C6orf58: variants seen among roughly 807,000 people sequenced by gnomAD.
C6orf58 encodes protein LEG1 homolog.
A neutral mutation model predicts 37.0 loss-of-function variants in C6orf58; 30 were observed. That is an observed-to-expected ratio of 0.81 (90% CI 0.61 to 1.10). The LOEUF (loss-of-function observed/expected upper bound fraction) is 1.10, where lower values mean the gene tolerates loss of function less well. Among genes scored for constraint, C6orf58 ranks in the 50% least tolerant of loss-of-function variants. C6orf58 has a pLI of 0.00. For missense variants in C6orf58, 368 were observed against 387.5 expected (o/e 0.95, Z 0.42); for synonymous variants, 143 against 134.1 (o/e 1.07, Z -0.46).
Position 127,583,699 on chromosome 6 carries a change from G to A in C6orf58, c.674+2417G>A, listed in dbSNP as rs562862495. The stretch of plus-strand genomic sequence containing the variant: ...TCAAAGGCAGTCTTTCTTTGGTGTC[G>A]TTTCCAAAAGAACTGATCTCTAGGT... On this transcript the variant is annotated intron_variant, in intron 4 of 5. Transcript: ENST00000329722. Among the ~76,000 whole-genome samples the A allele has an allele frequency of 2.9e-4, 44 of 152,210 alleles. 2 individuals are homozygous for A. The South Asian group carries it at 7.9e-3, about 27-fold the overall frequency.
rs1394797458 is a variant in C6orf58, at chr6:127,578,647, G to A, written c.302-39G>A. On this transcript the variant is annotated intron_variant, in intron 1 of 5. Transcript: ENST00000329722. ...CAATAGTTACAGCCAGTTTCAAAATGCGTATAATAAATACGACTGTGCATC... is the reference window on the plus strand; with the variant it reads ...CAATAGTTACAGCCAGTTTCAAAATACGTATAATAAATACGACTGTGCATC... 16 of 1,430,622 alleles carry A rather than the reference G, an allele frequency of 1.1e-5. No individual in the cohort carries two copies. In the Admixed American group the frequency reaches 2.8e-4, roughly 25 times the overall value. 88.6% of individuals were successfully genotyped at this position (1,430,622 alleles called of 1,614,324 possible).
At chr6:127,586,802 TTA>T (rs1775112114) in intron 4 of C6orf58, among the ~76,000 whole-genome samples, 1 of 152,226 alleles carries the variant, frequency 6.6e-6, no homozygotes, top group African/African-American at 2.4e-5. Flanking sequence ...TCATTTACAC[TTA>T]TATCCTGTTT....
chr6:127,583,547 T>C (rs572730726), intron 4 of C6orf58, among the ~76,000 whole-genome samples: 4 of 152,176 alleles, frequency 2.6e-5, no homozygotes, highest in Non-Finnish European at 5.9e-5. Flanking sequence ...TACCTGGAGA[T>C]CTCCGATGGG....
In C6orf58 at chr6:127,580,356, C is replaced by T. The variant is rs2114291024; in HGVS notation, c.480C>T (p.Pro160=). 1 of 1,612,844 alleles carries T rather than the reference C, an allele frequency of 6.2e-7. No homozygotes were observed. The highest frequency in any genetic ancestry group is 2.2e-5 in the East Asian group (1 of 44,818). Residue 160 remains proline (P), a synonymous_variant, in exon 3 of 6, where the codon CCC becomes CCT. Transcript: ENST00000329722. ...GISSDQVRLL[P]PPKNERKFCY... ...CATCAGACCAAGTCAGGCTTTTGCC[C>T]CCACCCAAGAATGAGAGGAAGTTTT...
chr6:127,590,720 AT>A (rs1775153681), intron 5 of C6orf58, among the ~76,000 whole-genome samples: 1 of 152,100 alleles, frequency 6.6e-6, no homozygotes, highest in African/African-American at 2.4e-5. Flanking sequence ...ACCTGCCATG[AT>A]TAATGAAATT....
intron 4 of C6orf58, 65 bp from the exon 5 acceptor site, chr6:127,590,022 A>G: frequency 9.7e-7 from 1 of 1,034,856 alleles, no homozygotes; most frequent in Non-Finnish European, 1.4e-6. Context: ...TATTTTCTGA[A>G]GGCAATGAGC....
Position 127,577,303 on chromosome 6 carries a change from C to T in C6orf58, c.118C>T (p.Leu40Phe). The T allele has an allele frequency of 6.2e-7, 1 of 1,613,470 alleles. No homozygotes were observed. The highest frequency in any genetic ancestry group is 1.3e-5 in the African/African-American group (1 of 74,992). The change falls in exon 1 of 6, where the codon CTC (leucine) becomes TTC (phenylalanine). Residue 40 changes from leucine (L) to phenylalanine (F), a missense_variant. Leu to Phe is a conservative substitution (Grantham distance 22). Transcript: ENST00000329722. Reference protein sequence around the residue: ...PPLWKESPGQLSDYRVENSMY... With the variant: ...PPLWKESPGQFSDYRVENSMY... The stretch of plus-strand genomic sequence containing the variant: ...TCTGTGGAAGGAGAGTCCTGGTCAG[C>T]TCAGTGACTACAGGGTGGAGAACAG...
chr6:127,581,128 GAGA>G (rs1385166352), intron 3 of C6orf58, 51 bp from the exon 4 acceptor site: 1 of 784,442 alleles, frequency 1.3e-6, no homozygotes, highest in Non-Finnish European at 1.9e-6. Context: ...AAATTTCAGG[GAGA>G]AGGATTTTAT....
At chr6:127,586,910 C>T (rs1346974886) in intron 4 of C6orf58, among the ~76,000 whole-genome samples, 2 of 152,198 alleles carry the variant, frequency 1.3e-5, no homozygotes, top group African/African-American at 2.4e-5. Flanking sequence ...CAGTTACCTA[C>T]TATTTGAAAT....
Position 127,580,404 on chromosome 6 carries a change from T to C in C6orf58, c.528T>C (p.Arg176=). 1 of 1,613,098 alleles carries C rather than the reference T, an allele frequency of 6.2e-7. No individual in the cohort carries two copies. Among genetic ancestry groups the C allele is most frequent in the Non-Finnish European group, 8.5e-7 (1 of 1,179,278 alleles). Reference sequence around the variant, plus strand: ...TTTGTTATGATGTTTCTAGCTGTCGTTCATCCTTCCCTGAGACAATGAACA... The same window carrying C: ...TTTGTTATGATGTTTCTAGCTGTCGCTCATCCTTCCCTGAGACAATGAACA... ...RKFCYDVSSC[R]SSFPETMNKW... Residue 176 remains arginine, a synonymous_variant, in exon 3 of 6, where the codon CGT becomes CGC. Coordinates refer to ENST00000329722, the MANE Select transcript of C6orf58 (RefSeq NM_001010905.3).
At chr6:127,583,853 A>G (rs190357309) in intron 4 of C6orf58, among the ~76,000 whole-genome samples, 2 of 152,354 alleles carry the variant, frequency 1.3e-5, no homozygotes, top group South Asian at 2.1e-4. Context: ...AGTTTAGAAG[A>G]ACATGAGATA....
intron 4 of C6orf58, among the ~76,000 whole-genome samples, chr6:127,583,021 T>G (rs557283943): frequency 2.0e-5 from 3 of 152,088 alleles, no homozygotes; most frequent in Non-Finnish European, 4.4e-5. Flanking sequence ...TTAATCATTG[T>G]ATGGTTAGAA....
intron 1 of C6orf58, 37 bp downstream of exon 1, chr6:127,577,523 C>A (rs117572080): frequency 6.3e-7 from 1 of 1,576,262 alleles, no homozygotes; most frequent in South Asian, 1.1e-5. Context: ...AATGATCTAC[C>A]GATAGACCTA....
At position 127,581,211 on chromosome 6, in the gene C6orf58, T is replaced by C. The variant is rs1775046317; in HGVS notation, c.603T>C (p.Asp201=). ...QYLQSPFSKF[D]DLLKYLWAAH... ...TGCAGTCACCTTTTAGTAAGTTTGA[T>C]GATCTGTTGAAGTACTTATGGGCTG... The change falls in exon 4 of 6, where the codon GAT becomes GAC. Residue 201 remains aspartate, a synonymous_variant. Transcript: ENST00000329722. 1 of 1,519,602 alleles carries C rather than the reference T, an allele frequency of 6.6e-7. No individual in the cohort carries two copies. Among genetic ancestry groups the C allele is most frequent in the Non-Finnish European group, 8.9e-7 (1 of 1,128,544 alleles). The allele number at this position is 1,519,602 out of a possible 1,614,324, so 94.1% of individuals were successfully genotyped here.
At chr6:127,582,877 G>A (rs1449168304) in intron 4 of C6orf58, among the ~76,000 whole-genome samples, 1 of 152,064 alleles carries the variant, frequency 6.6e-6, no homozygotes, top group Non-Finnish European at 1.5e-5. Context: ...ATATATGGTT[G>A]GTTGTTAAAT....
intron 4 of C6orf58, among the ~76,000 whole-genome samples, chr6:127,586,371 C>T (rs1275199943): frequency 6.6e-6 from 1 of 152,166 alleles, no homozygotes; most frequent in African/African-American, 2.4e-5. Context: ...CAAGAGAGTC[C>T]TGCTAGCAGG....
intron 4 of C6orf58, among the ~76,000 whole-genome samples, chr6:127,586,346 T>C (rs941298230): frequency 1.3e-5 from 2 of 151,932 alleles, no homozygotes; most frequent in Non-Finnish European, 2.9e-5. Context: ...AAAGGAAAAA[T>C]AATTCTCAGC....
chr6:127,580,593 A>G (rs1775039289), intron 3 of C6orf58, 144 bp downstream of exon 3: 1 of 603,954 alleles, frequency 1.7e-6, no homozygotes, highest in South Asian at 2.2e-5. Context: ...AGTATATTGT[A>G]GAGTGTTATG....
Position 127,578,729 on chromosome 6 carries a change from AT to A in C6orf58, c.346del (p.Ser116LeufsTer16). On this transcript the variant is annotated frameshift_variant, in exon 2 of 6. Coordinates refer to ENST00000329722, the MANE Select transcript of C6orf58 (RefSeq NM_001010905.3). LOFTEE classifies it high-confidence loss of function. ...CCCGAAGGACAAACTGTGGCTATGA[AT>A]CTGGAGATCATATGTGCATCTCTGT... ...PTRRTNCGYESGDHMCISVDS... is the reference protein window; with the variant it reads ...PTRRTNCGYEXGDHMCISVDS... The A allele has an allele frequency of 6.2e-7, 1 of 1,612,922 alleles. No homozygotes were observed. The highest frequency in any genetic ancestry group is 8.5e-7 in the Non-Finnish European group (1 of 1,179,142).
Sources: allele counts gnomAD v4.1 joint callset (sites outside exome capture counted in the v4.1 genomes callset), GRCh38; gene constraint gnomAD v4.1.1; transcripts MANE v1.5; gene names NCBI Gene and HGNC (gene_info 2026-07-23, HGNC 2026-07-21).